MAP4K4: variants seen among roughly 807,000 people sequenced by gnomAD.
MAP4K4 encodes HPK/GCK-like kinase HGK.
MAP4K4 carries 38 observed loss-of-function variants against 189.6 expected under a neutral mutation model. That is an observed-to-expected ratio of 0.20 (90% CI 0.15 to 0.26). The LOEUF is 0.26. Among genes scored for constraint, MAP4K4 ranks in the 10% least tolerant of loss-of-function variants. MAP4K4 has a pLI of 1.00. For missense variants in MAP4K4, 1,054 were observed against 1,726.9 expected (o/e 0.61, Z 6.91); for synonymous variants, 610 against 624.3 (o/e 0.98, Z 0.34).
intron 2 of MAP4K4, among the ~76,000 whole-genome samples, chr2:101,768,928 AG>A (rs2079974240): frequency 6.6e-6 from 1 of 152,194 alleles, no homozygotes; most frequent in Admixed American, 6.5e-5. Context: ...AGTTGGTGTA[AG>A]CCTGTTCAGA....
intron 17 of MAP4K4, among the ~76,000 whole-genome samples, chr2:101,864,561 T>C (rs6543100): frequency 0.61 from 93,518 of 152,118 alleles, 30,508 homozygotes; most frequent in African/African-American, 0.84. Context: ...TGCTTCCTGC[T>C]AGTCTTTGCT....
intron 16 of MAP4K4, among the ~76,000 whole-genome samples, chr2:101,863,395 G>C (rs933728111): frequency 6.6e-5 from 10 of 152,136 alleles, no homozygotes; most frequent in Admixed American, 5.9e-4. Flanking sequence ...TGTGAGGATG[G>C]CTAGGTAGGT....
intron 21 of MAP4K4, among the ~76,000 whole-genome samples, chr2:101,869,364 T>TA (rs1354112404): frequency 6.6e-6 from 1 of 151,884 alleles, no homozygotes; most frequent in Non-Finnish European, 1.5e-5. Context: ...ATCTTTTTTT[T>TA]ATTGTCATGG....
chr2:101,722,842 A>T (rs2149465053), intron 2 of MAP4K4, among the ~76,000 whole-genome samples: 1 of 152,324 alleles, frequency 6.6e-6, no homozygotes, highest in Non-Finnish European at 1.5e-5. Context: ...AGTTGAGTTG[A>T]ACTTGCATAC....
chr2:101,780,226 A>G (rs1223227944), intron 2 of MAP4K4, among the ~76,000 whole-genome samples: 1 of 152,196 alleles, frequency 6.6e-6, no homozygotes, highest in South Asian at 2.1e-4. Context: ...CCATGGGTGG[A>G]TGAGGAGCCC....
intron 3 of MAP4K4, among the ~76,000 whole-genome samples, chr2:101,807,041 CT>C (rs72332487): frequency 0.034 from 4,739 of 141,224 alleles, 206 homozygotes; most frequent in African/African-American, 0.11. Flanking sequence ...TTTTACCCTT[CT>C]TTTTTTTTTT....
At chr2:101,716,336 G>A (rs931712692) in intron 2 of MAP4K4, among the ~76,000 whole-genome samples, 3 of 152,046 alleles carry the variant, frequency 2.0e-5, no homozygotes, top group Non-Finnish European at 4.4e-5. Flanking sequence ...CCAGCTACTT[G>A]GGAGGCTGAG....
At chr2:101,742,954 G>A (rs1262522050) in intron 2 of MAP4K4, among the ~76,000 whole-genome samples, 5 of 152,098 alleles carry the variant, frequency 3.3e-5, no homozygotes, top group African/African-American at 9.7e-5. Context: ...TTTTTATCAG[G>A]CCCACGTCCT....
chr2:101,873,360 T>G (rs944426915), intron 24 of MAP4K4, among the ~76,000 whole-genome samples: 3 of 152,178 alleles, frequency 2.0e-5, no homozygotes, highest in Non-Finnish European at 4.4e-5. Context: ...TTTTTAAAGC[T>G]AGGCACATGA....
At chr2:101,815,531 CT>C (rs1378467430) in intron 3 of MAP4K4, among the ~76,000 whole-genome samples, 1 of 151,928 alleles carries the variant, frequency 6.6e-6, no homozygotes, top group Non-Finnish European at 1.5e-5. Context: ...TTCCCCCCCT[CT>C]CTCATATGTG....
At chr2:101,774,728 A>G (rs1477228069) in intron 2 of MAP4K4, among the ~76,000 whole-genome samples, 1 of 152,194 alleles carries the variant, frequency 6.6e-6, no homozygotes, top group Non-Finnish European at 1.5e-5. Context: ...GTATAGTTTT[A>G]ACATGTATAG....
chr2:101,718,290 C>T (rs192657468), intron 2 of MAP4K4, among the ~76,000 whole-genome samples: 1 of 151,538 alleles, frequency 6.6e-6, no homozygotes, highest in African/African-American at 2.4e-5. Context: ...TGAGTACTGA[C>T]ATGGTCCACC....
At chr2:101,843,520 T>TA in intron 11 of MAP4K4, among the ~76,000 whole-genome samples, 1 of 152,128 alleles carries the variant, frequency 6.6e-6, no homozygotes. Context: ...TTTAAGGAGA[T>TA]ATGTTTGCCA....
chr2:101,764,385 TC>T (rs1278052722), intron 2 of MAP4K4, among the ~76,000 whole-genome samples: 2 of 152,238 alleles, frequency 1.3e-5, no homozygotes, highest in Admixed American at 1.3e-4. Context: ...GACACTGTGT[TC>T]CTGGCTGAAT....
At chr2:101,858,104 G>A (rs2097532460) in intron 13 of MAP4K4, among the ~76,000 whole-genome samples, 1 of 152,214 alleles carries the variant, frequency 6.6e-6, no homozygotes, top group African/African-American at 2.4e-5. Context: ...AGGGTTGGGA[G>A]AGGAGATTTT....
In MAP4K4 at chr2:101,834,606, G is replaced by A. The variant is rs56813602; in HGVS notation, c.694+143G>A. 4.7e-3 allele frequency: 3,037 copies of A among 649,182 alleles called. 70 individuals carry two copies. In the African/African-American group the frequency reaches 0.05, roughly 11 times the overall value. 40.2% of individuals were successfully genotyped at this position (649,182 alleles called of 1,614,324 possible). On this transcript the variant is annotated intron_variant, in intron 8 of 32. Transcript: ENST00000324219. The stretch of plus-strand genomic sequence containing the variant: ...ATGAAGGCAACATAAATATAGTCAA[G>A]TTTTAGATGTAGAAGGAATTCTTGG...
At chr2:101,756,405 G>A (rs374774245) in intron 2 of MAP4K4, among the ~76,000 whole-genome samples, 11 of 152,106 alleles carry the variant, frequency 7.2e-5, no homozygotes, top group East Asian at 3.9e-4. Flanking sequence ...TTTGCAGCTA[G>A]GACTATCAGT....
In MAP4K4 at chr2:101,739,778, G is replaced by A. The variant is rs566601307; in HGVS notation, c.123+41240G>A. 1.1e-4 allele frequency among the ~76,000 whole-genome samples: 16 copies of A among 152,256 alleles called. No individual in the cohort carries two copies. In the South Asian group the frequency reaches 3.3e-3, roughly 32 times the overall value. ...GAGTTGTTAATTACCTCTTTGTTCA[G>A]CCAACATTATTTGAGTAGTCAGCTA... On this transcript the variant is annotated intron_variant, in intron 2 of 32. Coordinates refer to ENST00000324219, the Ensembl canonical transcript of MAP4K4.
At chr2:101,863,719 G>T (rs1166032347) in intron 16 of MAP4K4, 102 bp from the exon 17 acceptor site, 5 of 664,068 alleles carry the variant, frequency 7.5e-6, no homozygotes, top group Non-Finnish European at 1.3e-5. Flanking sequence ...ACCCCGGTGT[G>T]TATTCCGCCT....
Sources: allele counts gnomAD v4.1 joint callset (sites outside exome capture counted in the v4.1 genomes callset), GRCh38; gene constraint gnomAD v4.1.1; transcripts MANE v1.5; gene names NCBI Gene and HGNC (gene_info 2026-07-23, HGNC 2026-07-21).